Variants in STXBP2 observed in about 807,000 individuals in gnomAD.
STXBP2 encodes syntaxin-binding protein 2.
In STXBP2, 47 loss-of-function variants were observed where a neutral mutation model predicts 72.2. The observed-to-expected ratio is 0.65, with a 90% CI of 0.51 to 0.83. The LOEUF is 0.83. Among genes scored for constraint, STXBP2 ranks in the 40% least tolerant of loss-of-function variants. The pLI, the probability that STXBP2 is intolerant of heterozygous loss-of-function variation, is 0.00. For synonymous variants in STXBP2, 367 were observed against 338.7 expected (o/e 1.08, Z -0.92); for missense variants, 702 against 807.6 (o/e 0.87, Z 1.58).
chr19:7,632,667 T>C, upstream of STXBP2: 1 of 1,552,216 alleles, frequency 6.4e-7, no homozygotes, highest in Non-Finnish European at 8.7e-7. The surrounding 1 kb of genome is among the most constrained non-coding windows in gnomAD (Gnocchi z 5.2). Flanking sequence ...TGCCCTGCAC[T>C]CCCACCCCGT....
At chr19:7,630,601 C>T in the STXBP2 span, 1 of 1,537,050 alleles carries the variant, frequency 6.5e-7, no homozygotes, top group South Asian at 1.2e-5. Context: ...TTCCCTGTGG[C>T]TATGTTCTGG....
upstream of STXBP2, among the ~76,000 whole-genome samples, chr19:7,635,151 C>T (rs537751332): frequency 6.6e-6 from 1 of 152,202 alleles, no homozygotes; most frequent in Non-Finnish European, 1.5e-5. Flanking sequence ...TCTGTCCCCC[C>T]AAGGGGTCAG....
upstream of STXBP2, chr19:7,631,886 G>A: frequency 1.5e-6 from 2 of 1,326,694 alleles, no homozygotes; most frequent in Non-Finnish European, 2.0e-6. Context: ...TGGAGAGAGG[G>A]TGCAGGTAGC....
intron 14 of STXBP2, 149 bp downstream of exon 14, chr19:7,644,901 C>A: frequency 6.7e-7 from 1 of 1,483,486 alleles, no homozygotes; most frequent in Non-Finnish European, 9.0e-7. Flanking sequence ...ACCCGGGAAC[C>A]CTCCTCCATT....
chr19:7,629,804 G>A, the STXBP2 span: 5 of 1,537,032 alleles, frequency 3.3e-6, no homozygotes, highest in Non-Finnish European at 4.4e-6. Context: ...GCTTTGGGCG[G>A]AACTGGCTTT....
Position 7,644,752 on chromosome 19 carries a change from G to A in STXBP2, c.1246G>A (p.Gly416Ser). The A allele has an allele frequency of 6.2e-7, 1 of 1,613,684 alleles. No homozygotes were observed. The highest frequency in any genetic ancestry group is 8.5e-7 in the Non-Finnish European group (1 of 1,179,840). The change falls in exon 14 of 19, where the codon GGT (glycine) becomes AGT (serine). Residue 416 changes from glycine (G) to serine (S), a missense_variant and splice_region_variant. Transcript: ENST00000221283. ...GCTGCTCTACATCCTCCTTCGGAATGGTGGGTGGGGGCTGCAGGGAGTTGG... is the reference window on the plus strand; with the variant it reads ...GCTGCTCTACATCCTCCTTCGGAATAGTGGGTGGGGGCTGCAGGGAGTTGG... ...VLLLYILLRN[G>S]VSEENLAKLI...
chr19:7,645,161 G>GCCGCCGCCTCCACCCTGC, intron 14 of STXBP2, 36 bp from the exon 15 acceptor site: 1 of 1,547,970 alleles, frequency 6.5e-7, no homozygotes, highest in South Asian at 1.2e-5. Flanking sequence ...AGCTCACCTG[G>GCCGCCGCCTCCACCCTGC]CCGCCGCCTC....
At chr19:7,640,541 T>C (rs776803950) in intron 4 of STXBP2, 190 bp from the exon 5 acceptor site, 159 of 708,282 alleles carry the variant, frequency 2.2e-4, no homozygotes, top group Admixed American at 2.1e-3. Flanking sequence ...TATGTGTGTG[T>C]GCGTGCGTGC....
chr19:7,639,656 C>A lies in STXBP2; in HGVS notation c.170-75C>A, dbSNP rs1200183187. 30 of 1,431,518 alleles carry A rather than the reference C, an allele frequency of 2.1e-5. No homozygotes were observed. The East Asian group carries it at 2.8e-4, about 13-fold the overall frequency. 88.7% of individuals were successfully genotyped at this position (1,431,518 alleles called of 1,614,324 possible). A position where few individuals can be genotyped will look rare whatever the true frequency, so the allele number is the denominator to read the frequency against. On this transcript the variant is annotated intron_variant, in intron 3 of 18. Transcript: ENST00000221283. ...CACCCCTCCTCCCCAAGCCTCCAAC[C>A]CCCCACACCTGAGACTCCCCACGTG...
Position 7,643,012 on chromosome 19 carries a change from G to T in STXBP2, c.990G>T (p.Leu330=). The T allele has an allele frequency of 6.2e-7, 1 of 1,614,168 alleles. No homozygotes were observed. The highest frequency in any genetic ancestry group is 8.5e-7 in the Non-Finnish European group (1 of 1,180,026). The change falls in exon 12 of 19, where the codon CTG becomes CTT. Residue 330 remains leucine (L), a synonymous_variant. Coordinates refer to ENST00000221283, the MANE Select transcript of STXBP2 (RefSeq NM_006949.4). ...ACATCAAAGACCTATCCCAGATCCT[G>T]AAAAAGATGCCGCAGTACCAGAAGG... ...KANIKDLSQI[L]KKMPQYQKEL...
In STXBP2 at chr19:7,642,310, G is replaced by A; in HGVS notation, c.771G>A (p.Leu257=). The A allele has an allele frequency of 1.2e-6, 2 of 1,614,100 alleles. No individual in the cohort carries two copies. Reference sequence around the variant, plus strand: ...TCCAGGCCATGGCGTATGATCTGCTGGACATAGAGCAGGACACATACAGGT... The same window carrying A: ...TCCAGGCCATGGCGTATGATCTGCTAGACATAGAGCAGGACACATACAGGT... ...LTFQAMAYDL[L]DIEQDTYRYE... Residue 257 remains leucine (L), a synonymous_variant, in exon 9 of 19, where the codon CTG becomes CTA. Coordinates refer to ENST00000221283, the MANE Select transcript of STXBP2 (RefSeq NM_006949.4). This position sits in a 1 kb window ranked among gnomAD's most constrained non-coding sequence, Gnocchi z 6.0.
At chr19:7,630,901 C>T in the STXBP2 span, 36 of 1,535,212 alleles carry the variant, frequency 2.3e-5, no homozygotes, top group Admixed American at 1.8e-4. Context: ...TTCTTGTATC[C>T]GGGATGGGTT....
chr19:7,630,235 C>A, the STXBP2 span: 1 of 452,718 alleles, frequency 2.2e-6, no homozygotes, highest in Non-Finnish European at 3.9e-6. Context: ...AGAGTGACGC[C>A]TCCTGGGTTT....
chr19:7,643,038 A>T lies in STXBP2; in HGVS notation c.1016A>T (p.Glu339Val). ...AAAAAGATGCCGCAGTACCAGAAGG[A>T]GCTGAATAAGGTGTGCTCGGGTGGG... is the stretch of plus-strand genomic sequence containing the variant. ...ILKKMPQYQK[E>V]LNKYSTHLHL... Residue 339 changes from glutamate to valine, a missense_variant, in exon 12 of 19, where the codon GAG (glutamate) becomes GTG (valine). By Grantham distance (121) the Glu-to-Val change is moderately radical. Transcript: ENST00000221283. 1 of 1,614,152 alleles carries T rather than the reference A, an allele frequency of 6.2e-7. No individual in the cohort carries two copies. The highest frequency in any genetic ancestry group is 8.5e-7 in the Non-Finnish European group (1 of 1,180,030).
upstream of STXBP2, chr19:7,631,997 C>T (rs111230831): frequency 3.3e-3 from 1,770 of 531,010 alleles, 22 homozygotes; most frequent in African/African-American, 0.032. Context: ...TTGGGGCCCT[C>T]GCTGGGATCT....
At position 7,642,596 on chromosome 19, in the gene STXBP2, C is replaced by T; in HGVS notation, c.902+60C>T. On this transcript the variant is annotated intron_variant, in intron 10 of 18. Coordinates refer to ENST00000221283, the MANE Select transcript of STXBP2 (RefSeq NM_006949.4). The surrounding 1 kb of genome is among the most constrained non-coding windows in gnomAD (Gnocchi z 6.0). Reference sequence around the variant, plus strand: ...CGCCCACTGTGGGCCTGGTAGCGGCCTTGGGATCCCTGGCTGCTGCCAAGT... The same window carrying T: ...CGCCCACTGTGGGCCTGGTAGCGGCTTTGGGATCCCTGGCTGCTGCCAAGT... The T allele has an allele frequency of 6.3e-7, 1 of 1,591,806 alleles. No homozygotes were observed. Among genetic ancestry groups the T allele is most frequent in the Non-Finnish European group, 8.6e-7 (1 of 1,160,460 alleles).
intron 4 of STXBP2, chr19:7,640,362 G>C (rs1317076516): frequency 1.8e-6 from 1 of 566,864 alleles, no homozygotes; most frequent in Admixed American, 2.4e-5. Flanking sequence ...GTGCATGTGT[G>C]TATGCGTGTG....
chr19:7,631,791 T>C, the STXBP2 span: 1 of 1,421,954 alleles, frequency 7.0e-7, no homozygotes, highest in Non-Finnish European at 9.2e-7. Context: ...GGGTCCCAGC[T>C]CGTTTCTGTG....
In STXBP2 at chr19:7,637,212, C is replaced by CT. The variant is rs1298004511; in HGVS notation, c.37+27dup. ...GTGAGTGCCTCTCCGGGGCCGGGCT[C>CT]TGGCGTCCGGTGTGGGACGGGGGTC... On this transcript the variant is annotated intron_variant, in intron 1 of 18. Transcript: ENST00000221283. 2.4e-6 allele frequency: 3 copies of CT among 1,241,080 alleles called. No individual in the cohort carries two copies. The African/African-American group carries it at 4.7e-5, about 19-fold the overall frequency. The allele number at this position is 1,241,080 out of a possible 1,614,324, so 76.9% of individuals were successfully genotyped here.
Sources: allele counts gnomAD v4.1 joint callset (sites outside exome capture counted in the v4.1 genomes callset), GRCh38; gene constraint gnomAD v4.1.1; non-coding constraint Gnocchi (gnomAD v3.1); transcripts MANE v1.5; gene names NCBI Gene and HGNC (gene_info 2026-07-23, HGNC 2026-07-21).